RGS12: variants seen among roughly 807,000 people sequenced by gnomAD.
RGS12 encodes regulator of G protein signaling 12, also known as regulator of G-protein signaling 12.
Under a neutral mutation model 120.1 loss-of-function variants are expected in RGS12, and 66 were observed. That is an observed-to-expected ratio of 0.55 (90% CI 0.45 to 0.67). The LOEUF (loss-of-function observed/expected upper bound fraction) is 0.67, where lower values mean the gene tolerates loss of function less well. Ranked by LOEUF, RGS12 falls within the 30% of genes least tolerant of loss-of-function variation. RGS12 has a pLI of 0.00. For missense variants in RGS12, 1,859 were observed against 1,957.7 expected (o/e 0.95, Z 0.95); for synonymous variants, 827 against 804.7 (o/e 1.03, Z -0.47).
intron 2 of RGS12, among the ~76,000 whole-genome samples, chr4:3,339,765 GTGTGTTT>G (rs1560097670): frequency 6.6e-6 from 1 of 152,176 alleles, no homozygotes; most frequent in Non-Finnish European, 1.5e-5. Flanking sequence ...TGTCCTCACA[GTGTGTTT>G]TGAGTGAGGC....
At chr4:3,299,356 C>G (rs969497915) in intron 1 of RGS12, among the ~76,000 whole-genome samples, 1 of 152,154 alleles carries the variant, frequency 6.6e-6, no homozygotes, top group Non-Finnish European at 1.5e-5. Flanking sequence ...ACTCTTCAAG[C>G]TGGGAGGATC....
At chr4:3,326,055 G>A (rs1725534414) in intron 2 of RGS12, among the ~76,000 whole-genome samples, 1 of 152,112 alleles carries the variant, frequency 6.6e-6, no homozygotes, top group South Asian at 2.1e-4. Flanking sequence ...CAAACCCACA[G>A]CCAACATCAT....
In RGS12 at chr4:3,374,459, G is replaced by T. The variant is rs1035492040; in HGVS notation, c.1999-11957G>T. Among the ~76,000 whole-genome samples the T allele has an allele frequency of 2.6e-5, 4 of 152,032 alleles. No individual in the cohort carries two copies. The highest frequency in any genetic ancestry group is 2.6e-4 in the Admixed American group (4 of 15,276). On this transcript the variant is annotated intron_variant, in intron 3 of 17. Transcript: ENST00000336727. The surrounding 1 kb of genome is among the most constrained non-coding windows in gnomAD (Gnocchi z 6.3). Reference sequence around the variant, plus strand: ...GCCTGGCCCTGCAGCAGACACTTCTGCCCTGGGCCCCGGTCTCAGTGACAG... The same window carrying T: ...GCCTGGCCCTGCAGCAGACACTTCTTCCCTGGGCCCCGGTCTCAGTGACAG...
At chr4:3,324,738 C>T (rs1008421751) in intron 2 of RGS12, 1 of 152,310 alleles carries the variant, frequency 6.6e-6, no homozygotes, top group African/African-American at 2.4e-5. Flanking sequence ...TCCTCCTTCC[C>T]TTTGGCCTTC....
At chr4:3,415,656 AG>A (rs1220143692) in intron 6 of RGS12, among the ~76,000 whole-genome samples, 1 of 152,150 alleles carries the variant, frequency 6.6e-6, no homozygotes, top group African/African-American at 2.4e-5. Context: ...CAATGCTCAG[AG>A]GGCGCTGCTC....
At position 3,439,661 on chromosome 4, in the gene RGS12, G is replaced by A. The variant is rs368756989; in HGVS notation, c.4321G>A (p.Ala1441Thr). ...PGEPAKPKTS[A>T]HHATFV ...TGAGCCTGCTAAGCCCAAGACCAGC[G>A]CTCACCACGCCACCTTCGTCTGAGC... Residue 1441 changes from alanine (A) to threonine (T), a missense_variant, in exon 18 of 18, where the codon GCT becomes ACT. This residue lies in a region of RGS12 where 517 missense variants were observed against 488.5 expected (regional missense o/e 1.06). Coordinates refer to ENST00000336727, the MANE Select transcript of RGS12 (RefSeq NM_001394154.1). The A allele has an allele frequency of 1.0e-4, 159 of 1,551,824 alleles. No individual in the cohort carries two copies. Among genetic ancestry groups the A allele is most frequent in the Non-Finnish European group, 1.2e-4 (138 of 1,149,298 alleles).
At chr4:3,301,992 A>T (rs1020461260) in intron 1 of RGS12, among the ~76,000 whole-genome samples, 3 of 147,956 alleles carry the variant, frequency 2.0e-5, no homozygotes, top group Admixed American at 6.7e-5. Flanking sequence ...GGTATCCTGT[A>T]TTTTTTTTTT....
chr4:3,422,477 G>T lies in RGS12; in HGVS notation c.2940G>T (p.Ala980=). Residue 980 remains alanine, a synonymous_variant, in exon 11 of 18, where the codon GCG becomes GCT. Transcript: ENST00000336727. The part of the protein sequence containing the change: ...DGTSCVVAVK[A]GFSIKDILSG... ...CATCCTGCGTGGTGGCTGTCAAGGC[G>T]GGCTTCTCCATCAAAGACATCCTGT... The T allele has an allele frequency of 6.2e-7, 1 of 1,613,062 alleles. No individual in the cohort carries two copies. The highest frequency in any genetic ancestry group is 8.5e-7 in the Non-Finnish European group (1 of 1,179,982).
At position 3,372,473 on chromosome 4, in the gene RGS12, C is replaced by T. The variant is rs944582653; in HGVS notation, c.1999-13943C>T. Among the ~76,000 whole-genome samples the T allele has an allele frequency of 2.0e-5, 3 of 152,256 alleles. No homozygotes were observed. The highest frequency in any genetic ancestry group is 7.2e-5 in the African/African-American group (3 of 41,468). ...AAGCATGACAGTTGTCGCGGAGCCGCCCGAGCTGTTGGCTTCCCCGATGTT... is the reference window on the plus strand; with the variant it reads ...AAGCATGACAGTTGTCGCGGAGCCGTCCGAGCTGTTGGCTTCCCCGATGTT... On this transcript the variant is annotated intron_variant, in intron 3 of 17. Coordinates refer to ENST00000336727, the MANE Select transcript of RGS12 (RefSeq NM_001394154.1). This position sits in a 1 kb window ranked among gnomAD's most constrained non-coding sequence, Gnocchi z 4.3.
intron 3 of RGS12, among the ~76,000 whole-genome samples, chr4:3,368,442 G>T (rs1716581298): frequency 7.2e-6 from 1 of 138,752 alleles, no homozygotes; most frequent in African/African-American, 2.7e-5. Context: ...GTGGGTGCCT[G>T]TGTGTGTGTG....
At position 3,311,570 on chromosome 4, in the gene RGS12, C is replaced by T. The variant is rs139499106; in HGVS notation, c.-101-4500C>T. ...TCCAGAATCGGAAACCCTCTGACAC[C>T]GATGTGGCACCTCAGGCATAGCTGA... On this transcript the variant is annotated intron_variant, in intron 1 of 17. Transcript: ENST00000336727. Among the ~76,000 whole-genome samples the T allele has an allele frequency of 4.5e-3, 682 of 152,268 alleles. 1 individual carries two copies. The highest frequency in any genetic ancestry group is 7.0e-3 in the Non-Finnish European group (478 of 68,020).
intron 12 of RGS12, among the ~76,000 whole-genome samples, chr4:3,423,198 C>G (rs1723225460): frequency 6.6e-6 from 1 of 152,218 alleles, no homozygotes; most frequent in African/African-American, 2.4e-5. Context: ...TGAACAGGGA[C>G]TGCCCTGGCC....
At chr4:3,438,503 C>G (rs1725031398) in intron 17 of RGS12, among the ~76,000 whole-genome samples, 1 of 152,146 alleles carries the variant, frequency 6.6e-6, no homozygotes, top group African/African-American at 2.4e-5. Flanking sequence ...CCCTGGGGTC[C>G]TGCCATGGAG....
At chr4:3,434,264 A>G (rs144259979) in intron 17 of RGS12, among the ~76,000 whole-genome samples, 70 of 152,200 alleles carry the variant, frequency 4.6e-4, no homozygotes, top group Admixed American at 2.0e-3. Flanking sequence ...GAGACTCACT[A>G]TCATGAGAAC....
At chr4:3,329,066 C>G (rs745998401) in intron 2 of RGS12, among the ~76,000 whole-genome samples, 4 of 152,102 alleles carry the variant, frequency 2.6e-5, no homozygotes, top group Non-Finnish European at 5.9e-5. Context: ...GCTGAGGGTT[C>G]CGATGAAAGG....
intron 4 of RGS12, chr4:3,413,019 C>T (rs1168793831): frequency 8.0e-6 from 1 of 124,538 alleles, no homozygotes; most frequent in Non-Finnish European, 1.7e-5. Flanking sequence ...TCAGGAGGGA[C>T]GGGGGCGCCC....
intron 2 of RGS12, among the ~76,000 whole-genome samples, chr4:3,319,260 A>T (rs973504944): frequency 9.2e-5 from 14 of 152,192 alleles, no homozygotes; most frequent in Admixed American, 8.5e-4. Flanking sequence ...ACTGCACTCT[A>T]GCCTGGGTGA....
chr4:3,395,361 C>T (rs1176727277), intron 4 of RGS12, among the ~76,000 whole-genome samples: 1 of 152,164 alleles, frequency 6.6e-6, no homozygotes, highest in African/African-American at 2.4e-5. Context: ...TGGCATCGTT[C>T]CTCCATTCTT....
At chr4:3,341,840 G>A (rs13130998) in intron 2 of RGS12, among the ~76,000 whole-genome samples, 5,403 of 143,700 alleles carry the variant, frequency 0.038, 152 homozygotes, top group South Asian at 0.074. Context: ...GGAGGTGTGG[G>A]CGGAGGGTAG....
Sources: allele counts gnomAD v4.1 joint callset (sites outside exome capture counted in the v4.1 genomes callset), GRCh38; gene constraint gnomAD v4.1.1; regional missense constraint gnomAD v4.1.1; non-coding constraint Gnocchi (gnomAD v3.1); transcripts MANE v1.5; gene names NCBI Gene and HGNC (gene_info 2026-07-23, HGNC 2026-07-21).